The following GLI2 variants were observed in gnomAD, a reference collection of about 807,000 sequenced individuals.
The protein encoded by GLI2 is transcription activator GLI2.
In GLI2, 22 loss-of-function variants were observed where a neutral mutation model predicts 78.9. The ratio of observed to expected loss-of-function variants is 0.28; its 90% CI spans 0.20 to 0.40. The LOEUF (loss-of-function observed/expected upper bound fraction) is 0.40. Ranked by LOEUF, GLI2 falls within the 10% of genes least tolerant of loss-of-function variation. The pLI, the probability that GLI2 is intolerant of heterozygous loss-of-function variation, is 1.00. For synonymous variants in GLI2, 974 were observed against 963.7 expected, an observed-to-expected ratio of 1.01 and a Z score of -0.20; for missense variants, 2,097 against 2,213.2, an observed-to-expected ratio of 0.95 and a Z score of 1.05.
intron 10 of GLI2, among the ~76,000 whole-genome samples, chr2:120,982,314 C>T (rs1009223885): frequency 4.6e-5 from 7 of 152,040 alleles, no homozygotes; most frequent in African/African-American, 9.7e-5. Flanking sequence ...CAATTCTAAC[C>T]GAGAGTGGTA....
intron 6 of GLI2, 151 bp downstream of exon 6, chr2:120,969,066 G>A: frequency 1.5e-6 from 1 of 677,776 alleles, no homozygotes; most frequent in Non-Finnish European, 2.7e-6. Flanking sequence ...CCTTTTTTAT[G>A]AATTCAAAAC....
chr2:120,828,773 T>C (rs1267115540), intron 2 of GLI2, among the ~76,000 whole-genome samples: 1 of 151,682 alleles, frequency 6.6e-6, no homozygotes, highest in African/African-American at 2.4e-5. Context: ...AGGAATAATT[T>C]ATTTGGTCAG....
chr2:120,821,584 T>C (rs1414904247), intron 2 of GLI2, among the ~76,000 whole-genome samples: 1 of 152,140 alleles, frequency 6.6e-6, no homozygotes, highest in East Asian at 1.9e-4. Flanking sequence ...GGAGGGGACC[T>C]GCACTCTCAG....
At chr2:120,882,174 C>G (rs1460491801) in intron 2 of GLI2, among the ~76,000 whole-genome samples, 1 of 152,082 alleles carries the variant, frequency 6.6e-6, no homozygotes, top group African/African-American at 2.4e-5. Context: ...CCTTTAGGGG[C>G]TCTGGCTTCT....
In GLI2 at chr2:120,808,730, C is replaced by T. The variant is rs148165384; in HGVS notation, c.148+11262C>T. 3.2e-3 allele frequency among the ~76,000 whole-genome samples: 493 copies of T among 152,164 alleles called. 1 individual carries two copies. The highest frequency in any genetic ancestry group is 0.017 in the Middle Eastern group (5 of 294). ...CATCTAGGTGTAGGAGCAGGGGCCA[C>T]CCTTGCCTTGTCTGTCTGTGAAATG... On this transcript the variant is annotated intron_variant, in intron 2 of 13. Transcript: ENST00000361492.
chr2:120,811,479 G>A (rs192417142), intron 2 of GLI2, among the ~76,000 whole-genome samples: 22 of 152,332 alleles, frequency 1.4e-4, no homozygotes. Flanking sequence ...CATCGCTAAG[G>A]AGGGCTCCTT....
intron 1 of GLI2, among the ~76,000 whole-genome samples, chr2:120,756,378 T>G (rs981163014): frequency 6.6e-6 from 1 of 152,220 alleles, no homozygotes; most frequent in Non-Finnish European, 1.5e-5. Context: ...AGAATATAAT[T>G]GGTTTATTTA....
intron 2 of GLI2, among the ~76,000 whole-genome samples, chr2:120,864,716 G>A (rs1688048464): frequency 6.6e-6 from 1 of 152,098 alleles, no homozygotes; most frequent in African/African-American, 2.4e-5. Context: ...CAAAGTGCTG[G>A]GATTACGGGC....
chr2:120,984,379 G>A (rs1442075235), intron 11 of GLI2, 92 bp from the exon 12 acceptor site: 2 of 1,354,126 alleles, frequency 1.5e-6, no homozygotes, highest in African/African-American at 2.9e-5. Context: ...TCTGCTGAGG[G>A]GCGTGGGTAG....
chr2:120,746,353 T>C (rs1682692735), intron 1 of GLI2, among the ~76,000 whole-genome samples: 1 of 152,176 alleles, frequency 6.6e-6, no homozygotes. Context: ...TAAGGCAGCC[T>C]TGTGGAGCAC....
chr2:120,825,176 G>A (rs569478924), intron 2 of GLI2, among the ~76,000 whole-genome samples: 2 of 152,258 alleles, frequency 1.3e-5, no homozygotes, highest in South Asian at 4.2e-4. Context: ...GGGAGTTTTG[G>A]GAGAATTGAA....
At chr2:120,948,337 A>T (rs1680814013) in intron 3 of GLI2, among the ~76,000 whole-genome samples, 1 of 152,138 alleles carries the variant, frequency 6.6e-6, no homozygotes, top group African/African-American at 2.4e-5. Context: ...AGACCCCTGG[A>T]TGTCCCTACA....
intron 2 of GLI2, among the ~76,000 whole-genome samples, chr2:120,845,001 G>A (rs372326437): frequency 2.2e-4 from 34 of 152,260 alleles, no homozygotes; most frequent in African/African-American, 7.9e-4. Context: ...AGCTGGGCAC[G>A]GTGGCTCATA....
intron 2 of GLI2, among the ~76,000 whole-genome samples, chr2:120,874,715 A>G (rs1688646189): frequency 6.6e-6 from 1 of 152,224 alleles, no homozygotes; most frequent in African/African-American, 2.4e-5. Context: ...GGCAGCTCAG[A>G]AAGACGCCTC....
intron 9 of GLI2, among the ~76,000 whole-genome samples, chr2:120,976,952 C>T (rs186160419): frequency 6.6e-6 from 1 of 152,318 alleles, no homozygotes; most frequent in African/African-American, 2.4e-5. Flanking sequence ...AAATGAAAGC[C>T]ATTGTCAGGA....
chr2:120,805,412 CCT>C (rs1384053712), intron 2 of GLI2, among the ~76,000 whole-genome samples: 1 of 152,254 alleles, frequency 6.6e-6, no homozygotes, highest in African/African-American at 2.4e-5. Flanking sequence ...GGCTCCTGCC[CCT>C]GTGTGCTCCC....
At chr2:120,850,568 G>A (rs551912455) in intron 2 of GLI2, among the ~76,000 whole-genome samples, 2 of 152,204 alleles carry the variant, frequency 1.3e-5, no homozygotes, top group South Asian at 4.1e-4. Flanking sequence ...CTCTTACAGC[G>A]TAAGGGAGTA....
In GLI2 at chr2:120,916,680, A is replaced by T. The variant is rs185955816; in HGVS notation, c.149-10681A>T. Reference sequence around the variant, plus strand: ...GAGCAGCGTCCTCTTACATTGAGCGAGTAGGGGAAGCCTTGACCTGCAGCA... The same window carrying T: ...GAGCAGCGTCCTCTTACATTGAGCGTGTAGGGGAAGCCTTGACCTGCAGCA... On this transcript the variant is annotated intron_variant, in intron 2 of 13. Transcript: ENST00000361492. 7.0e-4 allele frequency among the ~76,000 whole-genome samples: 106 copies of T among 152,270 alleles called. 1 individual carries two copies. In the Middle Eastern group the frequency reaches 0.01, roughly 15 times the overall value.
At chr2:120,913,583 G>C (rs539297273) in intron 2 of GLI2, among the ~76,000 whole-genome samples, 1 of 152,310 alleles carries the variant, frequency 6.6e-6, no homozygotes, top group South Asian at 2.1e-4. Flanking sequence ...CCAAGGTAGA[G>C]AGAATTGTAA....
Sources: gnomAD v4.1 joint callset for allele counts (sites outside exome capture counted in the v4.1 genomes callset) on GRCh38, gnomAD v4.1.1 for gene constraint, MANE v1.5 for transcripts, NCBI Gene and HGNC (gene_info 2026-07-23, HGNC 2026-07-21) for gene names.